CRY1: variants seen among roughly 807,000 people sequenced by gnomAD.
The protein encoded by CRY1 is cryptochrome-1.
In CRY1, 45 loss-of-function variants were observed where a neutral mutation model predicts 76.0. The observed-to-expected ratio is 0.59, with a 90% CI of 0.47 to 0.76. The LOEUF is 0.76. CRY1 is among the 30% of genes least tolerant of loss of function. The pLI is 0.00. For missense variants in CRY1, 587 were observed against 716.4 expected, an observed-to-expected ratio of 0.82 and a Z score of 2.06; for synonymous variants, 248 against 244.0, an observed-to-expected ratio of 1.02 and a Z score of -0.15.
chr12:106,991,952 T>C lies in CRY1; in HGVS notation c.*50A>G, dbSNP rs976854388. On this transcript the variant is annotated 3_prime_UTR_variant, in exon 13 of 13. Coordinates refer to ENST00000008527, the MANE Select transcript of CRY1 (RefSeq NM_004075.5). ...TTTTAAATAACTTAATTGAAAAGTA[T>C]TGAACTCCCCACCAATTTCAGCTGC... 2 of 152,482 alleles carry C rather than the reference T, an allele frequency of 1.3e-5. No individual in the cohort carries two copies. The highest frequency in any genetic ancestry group is 2.1e-4 in the South Asian group (1 of 4,826). 9.4% of individuals were successfully genotyped at this position (152,482 alleles called of 1,614,324 possible). A position where few individuals can be genotyped will look rare whatever the true frequency, so the allele number is the denominator to read the frequency against.
chr12:107,050,870 C>A (rs1952910669), intron 1 of CRY1, among the ~76,000 whole-genome samples: 1 of 151,582 alleles, frequency 6.6e-6, no homozygotes, highest in African/African-American at 2.4e-5. Flanking sequence ...AAGGAGGGGG[C>A]AGCATGAAAG....
intron 5 of CRY1, among the ~76,000 whole-genome samples, chr12:107,000,991 T>C (rs1363450416): frequency 6.6e-6 from 1 of 152,004 alleles, no homozygotes; most frequent in Non-Finnish European, 1.5e-5. Flanking sequence ...GAAATATAAT[T>C]CTATTCTAGT....
At chr12:107,067,214 AAAG>A (rs1413186703) in intron 1 of CRY1, among the ~76,000 whole-genome samples, 2 of 152,222 alleles carry the variant, frequency 1.3e-5, no homozygotes, top group African/African-American at 4.8e-5. Flanking sequence ...TGCATAAAAA[AAAG>A]AAGAATATGA....
Position 106,997,524 on chromosome 12 carries a change from G to C in CRY1, c.1456C>G (p.Gln486Glu). 6.2e-7 allele frequency: 1 copy of C among 1,614,040 alleles called. No individual in the cohort carries two copies. The highest frequency in any genetic ancestry group is 8.5e-7 in the Non-Finnish European group (1 of 1,179,992). The change falls in exon 9 of 13, where the codon CAG (glutamine) becomes GAG (glutamate). Residue 486 changes from glutamine (Q) to glutamate (E), a missense_variant. Coordinates refer to ENST00000008527, the MANE Select transcript of CRY1 (RefSeq NM_004075.5). ...ASRLNIERMK[Q>E]IYQQLSRYRG... ...TATCGTGAAAGCTGCTGATAGATCT[G>C]TTTCATCCTTTCGATATTCAAACGG...
intron 2 of CRY1, among the ~76,000 whole-genome samples, chr12:107,014,870 T>A (rs933595555): frequency 6.6e-6 from 1 of 152,008 alleles, no homozygotes; most frequent in Non-Finnish European, 1.5e-5. Flanking sequence ...ATATATATAT[T>A]TTGTGTGTTT....
intron 2 of CRY1, among the ~76,000 whole-genome samples, chr12:107,016,792 G>C (rs745415168): frequency 6.6e-6 from 1 of 152,070 alleles, no homozygotes; most frequent in African/African-American, 2.4e-5. Flanking sequence ...CCTTAAACTT[G>C]TTCCTCCATA....
chr12:107,011,810 T>C (rs1374615581), intron 2 of CRY1, among the ~76,000 whole-genome samples: 1 of 152,252 alleles, frequency 6.6e-6, no homozygotes, highest in Non-Finnish European at 1.5e-5. Context: ...TTAAGGTGGC[T>C]ACACTAAACT....
At chr12:107,069,664 A>G (rs1198467422) in intron 1 of CRY1, among the ~76,000 whole-genome samples, 2 of 141,354 alleles carry the variant, frequency 1.4e-5, no homozygotes, top group Non-Finnish European at 3.0e-5. Context: ...AAGTATATAT[A>G]AAGTATATAT....
At chr12:107,041,670 A>G (rs975218228) in intron 1 of CRY1, among the ~76,000 whole-genome samples, 1 of 151,462 alleles carries the variant, frequency 6.6e-6, no homozygotes, top group African/African-American at 2.4e-5. Flanking sequence ...TAAATGAAGT[A>G]TGTTCAACAT....
chr12:107,088,025 T>G (rs1354031531), intron 1 of CRY1, among the ~76,000 whole-genome samples: 2 of 151,884 alleles, frequency 1.3e-5, no homozygotes, highest in Non-Finnish European at 2.9e-5. Context: ...GGCAACAGAG[T>G]GATACCCCGT....
At chr12:107,069,623 A>ATATATAAAGTATATATATAAAAAG (rs1565842785) in intron 1 of CRY1, among the ~76,000 whole-genome samples, 4 of 121,930 alleles carry the variant, frequency 3.3e-5, no homozygotes, top group Non-Finnish European at 5.3e-5. Context: ...AAAAGTATAT[A>ATATATAAAGTATATATATAAAAAG]TATATAAAGT....
At chr12:107,075,884 A>C (rs1484535140) in intron 1 of CRY1, among the ~76,000 whole-genome samples, 1 of 152,164 alleles carries the variant, frequency 6.6e-6, no homozygotes, top group African/African-American at 2.4e-5. Context: ...TTGTTTTAGG[A>C]CTAGATATGA....
At chr12:107,057,174 A>G (rs201092335) in intron 1 of CRY1, among the ~76,000 whole-genome samples, 8 of 152,296 alleles carry the variant, frequency 5.3e-5, no homozygotes, top group Non-Finnish European at 1.2e-4. Context: ...AAGCACCATA[A>G]TATACTGCAG....
rs200426516 is a variant in CRY1, at chr12:106,995,168, AAT to A, written c.1585+2124_1585+2125del. On this transcript the variant is annotated intron_variant, in intron 10 of 12. Transcript: ENST00000008527. ...TAATCTTTCTAGGATTATTTCCCCA[AAT>A]ATAAAATGAGGATCCCACTACCTCC... Among the ~76,000 whole-genome samples the A allele has an allele frequency of 9.4e-3, 1,426 of 152,268 alleles. 16 individuals carry two copies. The highest frequency in any genetic ancestry group is 0.03 in the South Asian group (143 of 4,822).
At chr12:107,031,087 C>T (rs1384169537) in intron 1 of CRY1, among the ~76,000 whole-genome samples, 1 of 152,132 alleles carries the variant, frequency 6.6e-6, no homozygotes, top group Non-Finnish European at 1.5e-5. Context: ...GATTAAGATA[C>T]CCTAACAGAA....
At chr12:107,044,225 G>A (rs1952827338) in intron 1 of CRY1, among the ~76,000 whole-genome samples, 2 of 152,170 alleles carry the variant, frequency 1.3e-5, no homozygotes, top group Non-Finnish European at 2.9e-5. Flanking sequence ...GCTGCTTGTA[G>A]GTTGTGTCAG....
chr12:107,044,378 C>G (rs1256082357), intron 1 of CRY1, among the ~76,000 whole-genome samples: 1 of 152,134 alleles, frequency 6.6e-6, no homozygotes, highest in Non-Finnish European at 1.5e-5. Context: ...GTTCTACAGC[C>G]TAGGCTACTG....
At chr12:107,026,521 A>G (rs1290146394) in intron 1 of CRY1, among the ~76,000 whole-genome samples, 2 of 152,174 alleles carry the variant, frequency 1.3e-5, no homozygotes, top group African/African-American at 4.8e-5. Flanking sequence ...GGCATGAGCC[A>G]TCAGGCCTGG....
At chr12:107,070,850 G>A (rs1001830279) in intron 1 of CRY1, among the ~76,000 whole-genome samples, 1 of 145,820 alleles carries the variant, frequency 6.9e-6, no homozygotes, top group Non-Finnish European at 1.5e-5. Flanking sequence ...ACAGGCACCT[G>A]CCACCATGCC....
Sources: allele counts gnomAD v4.1 joint callset (sites outside exome capture counted in the v4.1 genomes callset), GRCh38; gene constraint gnomAD v4.1.1; transcripts MANE v1.5; gene names NCBI Gene and HGNC (gene_info 2026-07-23, HGNC 2026-07-21).